FBXW2: variants seen among roughly 807,000 people sequenced by gnomAD.
FBXW2 encodes F-box/WD repeat-containing protein 2.
FBXW2 carries 12 observed loss-of-function variants against 46.0 expected under a neutral mutation model. That is an observed-to-expected ratio of 0.26 (90% CI 0.17 to 0.42). The LOEUF (loss-of-function observed/expected upper bound fraction) is 0.42, where lower values mean the gene tolerates loss of function less well. Among genes scored for constraint, FBXW2 ranks in the 10% least tolerant of loss-of-function variants. The pLI is 1.00. For synonymous variants in FBXW2, 203 were observed against 209.6 expected (o/e 0.97, Z 0.27); for missense variants, 360 against 537.0 (o/e 0.67, Z 3.26).
At chr9:120,778,264 A>T (rs966661850) in intron 4 of FBXW2, 87 bp downstream of exon 4, 18 of 270,770 alleles carry the variant, frequency 6.6e-5, no homozygotes, top group South Asian at 2.1e-4. Flanking sequence ...AGGTTAAATT[A>T]AAAAAAAAAA....
In FBXW2 at chr9:120,764,018, G is replaced by A. The variant is rs2044232362; in HGVS notation, c.*541C>T. The A allele has an allele frequency of 5.6e-6, 1 of 178,540 alleles. No homozygotes were observed. The highest frequency in any genetic ancestry group is 1.2e-5 in the Non-Finnish European group (1 of 86,408). The allele number at this position is 178,540 out of a possible 1,614,324, so 11.1% of individuals were successfully genotyped here. A position where few individuals can be genotyped will look rare whatever the true frequency, so the allele number is the denominator to read the frequency against. ...AGAATTGGATTTGAACTGGAAGACA[G>A]ACTTTCCTTAGCACTGGTATTTGGT... is the stretch of plus-strand genomic sequence containing the variant. On this transcript the variant is annotated 3_prime_UTR_variant, in exon 8 of 8. Transcript: ENST00000608872.
intron 2 of FBXW2, among the ~76,000 whole-genome samples, chr9:120,789,150 A>C (rs186220795): frequency 4.7e-4 from 71 of 152,316 alleles, no homozygotes; most frequent in African/African-American, 1.7e-3. Context: ...AGGTTAGAGA[A>C]GGTATGTGAT....
chr9:120,788,392 G>T, intron 2 of FBXW2, 114 bp from the exon 3 acceptor site: 1 of 924,370 alleles, frequency 1.1e-6, no homozygotes, highest in African/African-American at 1.7e-5. Flanking sequence ...ACAACTTTAT[G>T]CGTAGTTACA....
At position 120,778,418 on chromosome 9, in the gene FBXW2, G is replaced by A; in HGVS notation, c.618C>T (p.Asn206=). The stretch of plus-strand genomic sequence containing the variant: ...AACTCCATTCCCAGCAAGCCACAGT[G>A]TTGTCAAAGGAGCCTGTCACAAGCT... ...EQKLVTGSFD[N]TVACWEWSSG... Residue 206 remains asparagine, a synonymous_variant, in exon 4 of 8, where the codon AAC becomes AAT. Transcript: ENST00000608872. The A allele has an allele frequency of 5.6e-6, 9 of 1,614,054 alleles. No homozygotes were observed. The highest frequency in any genetic ancestry group is 7.6e-6 in the Non-Finnish European group (9 of 1,180,014).
chr9:120,757,448 C>T lies in FBXW2; in HGVS notation c.*7111G>A, dbSNP rs144998693. The stretch of plus-strand genomic sequence containing the variant: ...TGCACAAAGAAGTTCTCTGTAGTAT[C>T]TTCTAAAAAGCAGAACTGGAAACTA... On this transcript the variant is annotated 3_prime_UTR_variant, in exon 8 of 8. Transcript: ENST00000608872. 5 of 152,296 alleles carry T rather than the reference C, an allele frequency of 3.3e-5. No homozygotes were observed. The highest frequency in any genetic ancestry group is 1.2e-4 in the African/African-American group (5 of 41,570). 9.4% of individuals were successfully genotyped at this position (152,296 alleles called of 1,614,324 possible). A position where few individuals can be genotyped will look rare whatever the true frequency, so the allele number is the denominator to read the frequency against.
In FBXW2 at chr9:120,757,660, G is replaced by A. The variant is rs1024601629; in HGVS notation, c.*6899C>T. On this transcript the variant is annotated 3_prime_UTR_variant, in exon 8 of 8. Coordinates refer to ENST00000608872, the MANE Select transcript of FBXW2 (RefSeq NM_012164.4). Reference sequence around the variant, plus strand: ...AGAAGAGAGTATTAAAAATCGTAATGATAAAGGAGCTCTGGGTAATTTTCT... The same window carrying A: ...AGAAGAGAGTATTAAAAATCGTAATAATAAAGGAGCTCTGGGTAATTTTCT... The A allele has an allele frequency of 6.6e-6, 1 of 152,156 alleles. No individual in the cohort carries two copies. The highest frequency in any genetic ancestry group is 1.5e-5 in the Non-Finnish European group (1 of 68,018). 9.4% of individuals were successfully genotyped at this position (152,156 alleles called of 1,614,324 possible).
chr9:120,774,292 G>A (rs1176945783), intron 5 of FBXW2, among the ~76,000 whole-genome samples: 20 of 147,516 alleles, frequency 1.4e-4, no homozygotes, highest in South Asian at 2.1e-4. Context: ...AGCCGAGATC[G>A]TGCCACTGCA....
In FBXW2 at chr9:120,790,359, C is replaced by G. The variant is rs1445660517; in HGVS notation, c.-20-2081G>C. On this transcript the variant is annotated intron_variant, in intron 2 of 7. Transcript: ENST00000608872. ...ATTCCCCTGGCATGGTGGTGGGTGC[C>G]TGTAGTCCCAGCTAGTCGGGAGGCT... Among the ~76,000 whole-genome samples, 3 of 152,158 alleles carry G rather than the reference C, an allele frequency of 2.0e-5. No individual in the cohort carries two copies. The South Asian group carries it at 6.2e-4, about 32-fold the overall frequency.
In FBXW2 at chr9:120,769,356, A is replaced by C. The variant is rs1344541231; in HGVS notation, c.1076+1992T>G. 2.0e-5 allele frequency among the ~76,000 whole-genome samples: 3 copies of C among 152,350 alleles called. No individual in the cohort carries two copies. In the East Asian group the frequency reaches 5.8e-4, roughly 29 times the overall value. On this transcript the variant is annotated intron_variant, in intron 7 of 7. Transcript: ENST00000608872. ...TCTGAACCTGGCAACTCCTACCCGC[A>C]AACAATCTTACAGGTTTATTATTTA...
At chr9:120,775,063 CTTT>C (rs112751525) in intron 5 of FBXW2, among the ~76,000 whole-genome samples, 1 of 146,422 alleles carries the variant, frequency 6.8e-6, no homozygotes, top group Non-Finnish European at 1.5e-5. Context: ...CTTTCCTATA[CTTT>C]TTTTTTTTTT....
At chr9:120,772,455 T>G (rs2044398619) in intron 6 of FBXW2, among the ~76,000 whole-genome samples, 2 of 152,098 alleles carry the variant, frequency 1.3e-5, no homozygotes. Context: ...ATTGTGCCAC[T>G]GCACTCCAAC....
At position 120,758,995 on chromosome 9, in the gene FBXW2, G is replaced by C. The variant is rs112308155; in HGVS notation, c.*5564C>G. ...TTTACCTTTATTGTTTTGCTTTTTG[G>C]ATCACCTTCAGAAATGGTTATATTG... On this transcript the variant is annotated 3_prime_UTR_variant, in exon 8 of 8. Coordinates refer to ENST00000608872, the MANE Select transcript of FBXW2 (RefSeq NM_012164.4). 6.6e-6 allele frequency: 1 copy of C among 151,936 alleles called. No homozygotes were observed. Among genetic ancestry groups the C allele is most frequent in the East Asian group, 1.9e-4 (1 of 5,190 alleles). 9.4% of individuals were successfully genotyped at this position (151,936 alleles called of 1,614,324 possible).
chr9:120,791,944 G>A (rs2044852230), intron 2 of FBXW2, among the ~76,000 whole-genome samples: 1 of 152,112 alleles, frequency 6.6e-6, no homozygotes, highest in Admixed American at 6.5e-5. Context: ...GAGAGCCTGG[G>A]TTTGGTCTCA....
chr9:120,791,907 A>C (rs1303050141), intron 2 of FBXW2, among the ~76,000 whole-genome samples: 1 of 152,170 alleles, frequency 6.6e-6, no homozygotes, highest in African/African-American at 2.4e-5. Flanking sequence ...TGGGTCATGC[A>C]ACAAAAAGAC....
rs2044342960 is a variant in FBXW2, at chr9:120,770,005, AG to A, written c.1076+1342del. ...TAAATGGGGTTGTAACTTTGTGATC[AG>A]AGAGATGTGGCCCACCAAAGTTTTG... On this transcript the variant is annotated intron_variant, in intron 7 of 7. Transcript: ENST00000608872. Among the ~76,000 whole-genome samples, 11 of 145,424 alleles carry A rather than the reference AG, an allele frequency of 7.6e-5. No individual in the cohort carries two copies. In the Admixed American group the frequency reaches 9.4e-4, roughly 12 times the overall value.
chr9:120,787,530 A>T lies in FBXW2; in HGVS notation c.490+239T>A, dbSNP rs187297467. Reference sequence around the variant, plus strand: ...AAAGTAATCTATAGCTTTGTAATTCACATAATGTTTAAAAGACAGTCTGAA... The same window carrying T: ...AAAGTAATCTATAGCTTTGTAATTCTCATAATGTTTAAAAGACAGTCTGAA... On this transcript the variant is annotated intron_variant, in intron 3 of 7. Coordinates refer to ENST00000608872, the MANE Select transcript of FBXW2 (RefSeq NM_012164.4). Among the ~76,000 whole-genome samples, 79 of 152,322 alleles carry T rather than the reference A, an allele frequency of 5.2e-4. 1 individual carries two copies. Among genetic ancestry groups the T allele is most frequent in the Admixed American group, 3.3e-4 (5 of 15,302 alleles).
At position 120,793,158 on chromosome 9, in the gene FBXW2, C is replaced by A; in HGVS notation, c.-30G>T. On this transcript the variant is annotated 5_prime_UTR_variant, in exon 2 of 8. Transcript: ENST00000608872. ...TCCGCGCGGCACTGACCTGAGCGAG[C>A]GCCCCGGGGCCCGGGACCTCGCGCC... 1 of 585,934 alleles carries A rather than the reference C, an allele frequency of 1.7e-6. No homozygotes were observed. The highest frequency in any genetic ancestry group is 3.0e-6 in the Non-Finnish European group (1 of 334,938). 36.3% of individuals were successfully genotyped at this position (585,934 alleles called of 1,614,324 possible). A position where few individuals can be genotyped will look rare whatever the true frequency, so the allele number is the denominator to read the frequency against.
chr9:120,786,088 T>C (rs913317372), intron 3 of FBXW2, among the ~76,000 whole-genome samples: 1 of 151,906 alleles, frequency 6.6e-6, no homozygotes, highest in Non-Finnish European at 1.5e-5. Context: ...GATTCTACTT[T>C]TAGACTTCTA....
At position 120,787,872 on chromosome 9, in the gene FBXW2, T is replaced by C. The variant is rs755361955; in HGVS notation, c.387A>G (p.Arg129=). 154 of 1,614,092 alleles carry C rather than the reference T, an allele frequency of 9.5e-5. No individual in the cohort carries two copies. Among genetic ancestry groups the C allele is most frequent in the Non-Finnish European group, 1.2e-4 (139 of 1,180,056 alleles). The change falls in exon 3 of 8, where the codon AGA becomes AGG. Residue 129 remains arginine (R), a synonymous_variant. Transcript: ENST00000608872. Reference sequence around the variant, plus strand: ...CTTCATGGTCCTCCAGTTGCTTCATTCTCAAAATAGCCTTCAAATAAACCT... The same window carrying C: ...CTTCATGGTCCTCCAGTTGCTTCATCCTCAAAATAGCCTTCAAATAAACCT... ...WKKVYLKAIL[R]MKQLEDHEAF...
Sources: allele counts gnomAD v4.1 joint callset (sites outside exome capture counted in the v4.1 genomes callset), GRCh38; gene constraint gnomAD v4.1.1; transcripts MANE v1.5; gene names NCBI Gene and HGNC (gene_info 2026-07-23, HGNC 2026-07-21).